Variants in KHDRBS2 observed in about 807,000 individuals in gnomAD.
KHDRBS2 encodes the protein KH domain-containing, RNA-binding, signal transduction-associated protein 2.
A neutral mutation model predicts 44.3 loss-of-function variants in KHDRBS2; 26 were observed. The ratio of observed to expected loss-of-function variants is 0.59; its 90% CI spans 0.43 to 0.81. The LOEUF is 0.81. Ranked by LOEUF, KHDRBS2 falls within the 40% of genes least tolerant of loss-of-function variation. The pLI, the probability that KHDRBS2 is intolerant of heterozygous loss-of-function variation, is 0.00. For synonymous variants in KHDRBS2, 194 were observed against 151.1 expected, an observed-to-expected ratio of 1.28 and a Z score of -2.08; for missense variants, 476 against 433.1, an observed-to-expected ratio of 1.10 and a Z score of -0.88.
At chr6:61,704,470 G>A (rs920845606) in intron 7 of KHDRBS2, among the ~76,000 whole-genome samples, 11 of 151,766 alleles carry the variant, frequency 7.2e-5, no homozygotes, top group African/African-American at 2.4e-4. Flanking sequence ...AGTCCCAGAG[G>A]CAAGAAAATG....
At chr6:61,914,548 T>C (rs916746224) in intron 4 of KHDRBS2, among the ~76,000 whole-genome samples, 3 of 151,708 alleles carry the variant, frequency 2.0e-5, no homozygotes, top group Non-Finnish European at 4.4e-5. Context: ...TTAGGAGATA[T>C]ACCTAATGTA....
At chr6:62,037,240 T>C (rs1785471282) in intron 3 of KHDRBS2, among the ~76,000 whole-genome samples, 1 of 151,882 alleles carries the variant, frequency 6.6e-6, no homozygotes, top group African/African-American at 2.4e-5. Flanking sequence ...GTAGGATATG[T>C]CTGTTTTTTA....
chr6:61,846,411 T>C (rs1413627261), intron 6 of KHDRBS2, among the ~76,000 whole-genome samples: 4 of 152,208 alleles, frequency 2.6e-5, no homozygotes, highest in African/African-American at 9.6e-5. Context: ...ATGAGTCACA[T>C]AGACGTGTTT....
intron 6 of KHDRBS2, among the ~76,000 whole-genome samples, chr6:61,767,376 C>T (rs925386106): frequency 3.9e-5 from 6 of 152,010 alleles, no homozygotes; most frequent in Non-Finnish European, 8.8e-5. Flanking sequence ...TTCATGTAGG[C>T]AACATATCAT....
At chr6:61,996,152 G>A (rs1270340763) in intron 3 of KHDRBS2, among the ~76,000 whole-genome samples, 1 of 152,142 alleles carries the variant, frequency 6.6e-6, no homozygotes, top group Non-Finnish European at 1.5e-5. Context: ...TGTCTACAGG[G>A]CAAGTGTTAA....
At chr6:61,994,967 G>C (rs899621213) in intron 3 of KHDRBS2, among the ~76,000 whole-genome samples, 3 of 152,062 alleles carry the variant, frequency 2.0e-5, no homozygotes, top group Non-Finnish European at 2.9e-5. Context: ...CTGAGGAATA[G>C]AAAGAAAGCC....
intron 2 of KHDRBS2, among the ~76,000 whole-genome samples, chr6:62,088,301 C>G (rs1485431704): frequency 1.3e-5 from 2 of 152,226 alleles, no homozygotes; most frequent in East Asian, 1.9e-4. Flanking sequence ...AATTTTCAGC[C>G]TTTTTTGGGC....
intron 6 of KHDRBS2, among the ~76,000 whole-genome samples, chr6:61,841,583 G>T (rs1009570991): frequency 2.6e-5 from 4 of 152,048 alleles, no homozygotes; most frequent in African/African-American, 9.7e-5. Flanking sequence ...CTTAGTCTTG[G>T]TACTGTGCAT....
At chr6:61,581,197 C>T in the KHDRBS2 span, among the ~76,000 whole-genome samples, 2 of 151,260 alleles carry the variant, frequency 1.3e-5, no homozygotes, top group East Asian at 1.9e-4. Context: ...ATGTGCCATG[C>T]AAAAGTGCAT....
At chr6:61,906,249 T>C (rs1232245729) in intron 4 of KHDRBS2, among the ~76,000 whole-genome samples, 1 of 152,200 alleles carries the variant, frequency 6.6e-6, no homozygotes, top group Non-Finnish European at 1.5e-5. Context: ...TTAAAATTTT[T>C]ATCTTCAATT....
chr6:62,024,553 A>C (rs1453982034), intron 3 of KHDRBS2, among the ~76,000 whole-genome samples: 8 of 151,594 alleles, frequency 5.3e-5, no homozygotes, highest in Admixed American at 3.3e-4. Flanking sequence ...TGAAAGCAAA[A>C]TATTGTGATA....
intron 3 of KHDRBS2, among the ~76,000 whole-genome samples, chr6:61,994,616 T>C (rs1345468964): frequency 1.3e-4 from 20 of 152,122 alleles, no homozygotes; most frequent in Non-Finnish European, 8.8e-5. Flanking sequence ...TGTTTATACA[T>C]AGAGAGATAA....
chr6:61,786,344 C>T (rs1258541581), intron 6 of KHDRBS2, among the ~76,000 whole-genome samples: 1 of 151,742 alleles, frequency 6.6e-6, no homozygotes, highest in African/African-American at 2.4e-5. Flanking sequence ...CAGTCTTTTT[C>T]ATGATTAGGG....
intron 2 of KHDRBS2, among the ~76,000 whole-genome samples, chr6:62,161,573 CGGGG>C (rs3035515): frequency 6.0e-5 from 2 of 33,340 alleles, no homozygotes; most frequent in South Asian, 2.1e-3. Context: ...TTGGTATTTG[CGGGG>C]GGGGGGGGGG....
intron 6 of KHDRBS2, among the ~76,000 whole-genome samples, chr6:61,846,784 CATATAT>C (rs142483867): frequency 1.5e-3 from 221 of 149,706 alleles, no homozygotes; most frequent in African/African-American, 5.1e-3. Flanking sequence ...CTTGTAAGTA[CATATAT>C]ATATATATAT....
intron 2 of KHDRBS2, among the ~76,000 whole-genome samples, chr6:62,056,250 T>A (rs1562741012): frequency 6.6e-6 from 1 of 151,894 alleles, no homozygotes; most frequent in African/African-American, 2.4e-5. Context: ...GATGAATTAC[T>A]CATAACTATA....
chr6:61,725,202 C>T (rs1219806220), intron 7 of KHDRBS2, among the ~76,000 whole-genome samples: 1 of 151,982 alleles, frequency 6.6e-6, no homozygotes, highest in East Asian at 1.9e-4. Context: ...TCCTGAATGA[C>T]TTTTGGGTAA....
intron 5 of KHDRBS2, among the ~76,000 whole-genome samples, chr6:61,899,737 C>A (rs551339201): frequency 7.3e-6 from 1 of 136,706 alleles, no homozygotes; most frequent in South Asian, 2.6e-4. Context: ...TTTAATGCCC[C>A]CCCCCCGCAT....
intron 5 of KHDRBS2, among the ~76,000 whole-genome samples, chr6:61,895,860 G>A (rs1478316145): frequency 6.6e-6 from 1 of 152,190 alleles, no homozygotes; most frequent in East Asian, 1.9e-4. Flanking sequence ...TGTCTGCTAT[G>A]AATAGCAGTC....
Sources: gnomAD v4.1 joint callset for allele counts (sites outside exome capture counted in the v4.1 genomes callset) on GRCh38, gnomAD v4.1.1 for gene constraint, MANE v1.5 for transcripts, NCBI Gene and HGNC (gene_info 2026-07-23, HGNC 2026-07-21) for gene names.